The following ANKS1B variants were observed in gnomAD, a reference collection of about 807,000 sequenced individuals.
ANKS1B encodes ankyrin repeat and sterile alpha motif domain-containing protein 1B.
In ANKS1B, 36 loss-of-function variants were observed where a neutral mutation model predicts 148.3. The ratio of observed to expected loss-of-function variants is 0.24; its 90% CI spans 0.19 to 0.32. The LOEUF (loss-of-function observed/expected upper bound fraction) is 0.32, where lower values mean the gene tolerates loss of function less well. Ranked by LOEUF, ANKS1B falls within the 10% of genes least tolerant of loss-of-function variation. The pLI is 1.00. For missense variants in ANKS1B, 1,157 were observed against 1,542.6 expected, an observed-to-expected ratio of 0.75 and a Z score of 4.19; for synonymous variants, 542 against 560.8, an observed-to-expected ratio of 0.97 and a Z score of 0.47.
intron 20 of ANKS1B, among the ~76,000 whole-genome samples, chr12:98,804,832 A>G (rs1594235143): frequency 6.6e-6 from 1 of 152,208 alleles, no homozygotes; most frequent in East Asian, 1.9e-4. Flanking sequence ...ATGTCTACAT[A>G]ATACTTGCAT....
intron 10 of ANKS1B, among the ~76,000 whole-genome samples, chr12:99,454,624 G>A (rs1182367051): frequency 6.6e-6 from 1 of 152,200 alleles, no homozygotes; most frequent in Non-Finnish European, 1.5e-5. Context: ...ATGGCAGGGA[G>A]ATGGTCTTTT....
rs111520425 is a variant in ANKS1B, at chr12:99,883,338, A to G, written c.135-57949T>C. Among the ~76,000 whole-genome samples, 313 of 151,986 alleles carry G rather than the reference A, an allele frequency of 2.1e-3. 1 individual carries two copies. Among genetic ancestry groups the G allele is most frequent in the African/African-American group, 7.2e-3 (298 of 41,446 alleles). The stretch of plus-strand genomic sequence containing the variant: ...GAACAAATGGACGTTTCGAAGCAAA[A>G]AAACAAACAAACAAAAAAAGAACCT... On this transcript the variant is annotated intron_variant, in intron 1 of 26. Coordinates refer to ENST00000683438, the MANE Select transcript of ANKS1B (RefSeq NM_001352186.2).
At chr12:98,830,803 G>T (rs2099302686) in intron 18 of ANKS1B, among the ~76,000 whole-genome samples, 1 of 151,928 alleles carries the variant, frequency 6.6e-6, no homozygotes, top group Admixed American at 6.6e-5. Context: ...GTGACTGCCG[G>T]CCACTTCTTG....
At chr12:99,445,629 C>T (rs1003758700) in intron 10 of ANKS1B, among the ~76,000 whole-genome samples, 2 of 151,952 alleles carry the variant, frequency 1.3e-5, no homozygotes, top group African/African-American at 4.8e-5. Context: ...AATTTCTGCT[C>T]AATTTTGCTG....
chr12:99,599,823 T>C (rs557470751), intron 9 of ANKS1B, among the ~76,000 whole-genome samples: 2 of 152,210 alleles, frequency 1.3e-5, no homozygotes, highest in South Asian at 4.1e-4. Context: ...TTCTGGTAGA[T>C]AAATTGATAT....
At chr12:98,855,039 G>A (rs1189879981) in intron 17 of ANKS1B, among the ~76,000 whole-genome samples, 1 of 151,862 alleles carries the variant, frequency 6.6e-6, no homozygotes, top group Non-Finnish European at 1.5e-5. Flanking sequence ...GGCGCCTGTA[G>A]TCCTAGCTAC....
intron 9 of ANKS1B, chr12:99,650,184 C>A (rs1490637635): frequency 6.6e-6 from 1 of 152,104 alleles, no homozygotes; most frequent in Non-Finnish European, 1.5e-5. Flanking sequence ...TAATAGATGA[C>A]AGAATAAAAT....
intron 17 of ANKS1B, among the ~76,000 whole-genome samples, chr12:99,035,811 C>A (rs956661749): frequency 6.6e-6 from 1 of 152,066 alleles, no homozygotes; most frequent in Non-Finnish European, 1.5e-5. Context: ...AGAGTAAGGG[C>A]ATGTCTGGAA....
At chr12:99,832,544 CAA>C (rs748268104) in intron 1 of ANKS1B, among the ~76,000 whole-genome samples, 107 of 150,138 alleles carry the variant, frequency 7.1e-4, no homozygotes, top group Non-Finnish European at 1.4e-3. Context: ...GCCAACATGG[CAA>C]AAAAAACACT....
intron 17 of ANKS1B, among the ~76,000 whole-genome samples, chr12:98,889,497 G>A (rs1416308597): frequency 1.3e-5 from 2 of 151,970 alleles, no homozygotes. Flanking sequence ...ACAGGCACCC[G>A]CCACCACATC....
chr12:99,040,266 G>A (rs977689277), intron 17 of ANKS1B, among the ~76,000 whole-genome samples: 2 of 151,344 alleles, frequency 1.3e-5, no homozygotes, highest in Admixed American at 6.6e-5. Context: ...CTCTCTCTAT[G>A]TGCGTGTGCG....
At chr12:99,489,095 A>G (rs934838096) in intron 10 of ANKS1B, among the ~76,000 whole-genome samples, 80 of 152,136 alleles carry the variant, frequency 5.3e-4, no homozygotes, top group African/African-American at 1.7e-3. Context: ...TACAAAAATT[A>G]GCTAGGCATG....
chr12:99,112,333 C>T (rs2060454710), intron 15 of ANKS1B, among the ~76,000 whole-genome samples: 1 of 151,982 alleles, frequency 6.6e-6, no homozygotes, highest in Non-Finnish European at 1.5e-5. Flanking sequence ...TAAATAACTA[C>T]TAGTTTGAGA....
intron 10 of ANKS1B, among the ~76,000 whole-genome samples, chr12:99,499,990 G>A (rs1287807321): frequency 6.6e-6 from 1 of 151,974 alleles, no homozygotes; most frequent in Non-Finnish European, 1.5e-5. Context: ...AAAGGGCCAA[G>A]GAAGGATGGA....
chr12:99,349,339 C>T (rs747015577), intron 12 of ANKS1B, among the ~76,000 whole-genome samples: 6 of 151,854 alleles, frequency 4.0e-5, no homozygotes, highest in African/African-American at 1.4e-4. Flanking sequence ...TAAGTAAGTT[C>T]TTTGTTAGTA....
chr12:99,025,033 T>C (rs553447144), intron 17 of ANKS1B, among the ~76,000 whole-genome samples: 3 of 152,294 alleles, frequency 2.0e-5, no homozygotes, highest in African/African-American at 7.2e-5. Context: ...GACCAAAACC[T>C]GGTGATTCCC....
chr12:99,302,486 TC>T (rs2081783194), intron 12 of ANKS1B, among the ~76,000 whole-genome samples: 1 of 152,114 alleles, frequency 6.6e-6, no homozygotes, highest in African/African-American at 2.4e-5. Flanking sequence ...AAACTCTGAT[TC>T]CCCTTGAAAA....
intron 11 of ANKS1B, among the ~76,000 whole-genome samples, chr12:99,406,383 T>C (rs2094533161): frequency 6.9e-6 from 1 of 145,636 alleles, no homozygotes; most frequent in South Asian, 2.1e-4. Flanking sequence ...TTTTGGAAAC[T>C]ATACAAACAC....
chr12:98,885,666 C>T (rs551695265), intron 17 of ANKS1B, among the ~76,000 whole-genome samples: 2 of 152,242 alleles, frequency 1.3e-5, no homozygotes, highest in South Asian at 2.1e-4. Context: ...CCCTCCACCA[C>T]CCCCCTTGCC....
Sources: allele counts gnomAD v4.1 joint callset (sites outside exome capture counted in the v4.1 genomes callset), GRCh38; gene constraint gnomAD v4.1.1; transcripts MANE v1.5; gene names NCBI Gene and HGNC (gene_info 2026-07-23, HGNC 2026-07-21).